COL25A1: variants seen among roughly 807,000 people sequenced by gnomAD.
The protein encoded by COL25A1 is collagen type XXV alpha 1 chain, also known as collagen alpha-1(XXV) chain.
COL25A1 carries 103 observed loss-of-function variants against 128.4 expected under a neutral mutation model. That is an observed-to-expected ratio of 0.80 (90% CI 0.68 to 0.94). COL25A1 has a LOEUF of 0.94. Among genes scored for constraint, COL25A1 ranks in the 40% least tolerant of loss-of-function variants. The pLI is 0.00. For missense variants in COL25A1, 745 were observed against 840.0 expected (o/e 0.89, Z 1.40); for synonymous variants, 279 against 277.2 (o/e 1.01, Z -0.06).
chr4:108,877,937 G>C (rs1275345608), intron 19 of COL25A1, among the ~76,000 whole-genome samples: 1 of 152,066 alleles, frequency 6.6e-6, no homozygotes, highest in African/African-American at 2.4e-5. Context: ...AATGGTTATT[G>C]GGACAGTTCA....
intron 6 of COL25A1, among the ~76,000 whole-genome samples, chr4:108,987,280 TCTC>T (rs1753741899): frequency 1.3e-5 from 1 of 75,194 alleles, no homozygotes; most frequent in Admixed American, 1.2e-4. Context: ...GTCTTCTCAC[TCTC>T]TCTATCTTTA....
chr4:108,939,907 T>G (rs1747881599), intron 10 of COL25A1, among the ~76,000 whole-genome samples: 1 of 152,202 alleles, frequency 6.6e-6, no homozygotes. Context: ...GTATTGAGAT[T>G]ACTTTTAAAT....
chr4:109,118,821 C>G (rs920589247), intron 3 of COL25A1, among the ~76,000 whole-genome samples: 1 of 151,912 alleles, frequency 6.6e-6, no homozygotes, highest in Non-Finnish European at 1.5e-5. Flanking sequence ...ACAGATCCAC[C>G]ACACAGAAAA....
At chr4:108,975,382 G>C (rs1752338705) in intron 6 of COL25A1, among the ~76,000 whole-genome samples, 1 of 152,226 alleles carries the variant, frequency 6.6e-6, no homozygotes, top group Non-Finnish European at 1.5e-5. Context: ...CTTGAACCTG[G>C]GAGGTGGAGG....
chr4:108,836,532 A>G (rs948343551), intron 31 of COL25A1, among the ~76,000 whole-genome samples: 1 of 152,094 alleles, frequency 6.6e-6, no homozygotes, highest in Non-Finnish European at 1.5e-5. Flanking sequence ...CCCAATCTCT[A>G]TAAAATATTT....
chr4:109,112,670 T>C lies in COL25A1; in HGVS notation c.368-62491A>G, dbSNP rs1410746143. 2.6e-5 allele frequency among the ~76,000 whole-genome samples: 4 copies of C among 152,094 alleles called. No individual in the cohort carries two copies. In the East Asian group the frequency reaches 5.8e-4, roughly 22 times the overall value. ...ATCCTCAAAAAAGAAAGAAAAATGA[T>C]AGTAGTCCCAAAGAAAGTAAATTTT... On this transcript the variant is annotated intron_variant, in intron 3 of 37. Coordinates refer to ENST00000399132, the MANE Select transcript of COL25A1 (RefSeq NM_198721.4).
intron 13 of COL25A1, among the ~76,000 whole-genome samples, chr4:108,916,543 C>T (rs1036983679): frequency 6.6e-6 from 1 of 151,942 alleles, no homozygotes. Context: ...GAAACAAAGA[C>T]GAAAAAGGAA....
chr4:108,862,693 G>A lies in COL25A1; in HGVS notation c.1153-148C>T, dbSNP rs771742281. ...TCAATATATGGCTCTACAGAATGTCGGTTATTATAATACTAAACATAAGTA... is the reference window on the plus strand; with the variant it reads ...TCAATATATGGCTCTACAGAATGTCAGTTATTATAATACTAAACATAAGTA... On this transcript the variant is annotated intron_variant, in intron 21 of 37. Coordinates refer to ENST00000399132, the MANE Select transcript of COL25A1 (RefSeq NM_198721.4). 5.6e-5 allele frequency: 37 copies of A among 665,106 alleles called. No homozygotes were observed. The Middle Eastern group carries it at 2.8e-3, about 50-fold the overall frequency. The allele number at this position is 665,106 out of a possible 1,614,324, so 41.2% of individuals were successfully genotyped here.
At chr4:109,098,025 T>C (rs1351496512) in intron 3 of COL25A1, among the ~76,000 whole-genome samples, 1 of 152,168 alleles carries the variant, frequency 6.6e-6, no homozygotes, top group Non-Finnish European at 1.5e-5. Context: ...TGACATTCTC[T>C]AGGGATAGAT....
intron 6 of COL25A1, among the ~76,000 whole-genome samples, chr4:109,006,409 T>TG (rs1756004346): frequency 1.7e-5 from 2 of 120,106 alleles, no homozygotes; most frequent in East Asian, 4.5e-4. Flanking sequence ...TTTTTTTTTT[T>TG]TGGTATTTTT....
rs921415996 is a variant in COL25A1 at position 108,827,190 on chromosome 4, T to C, written c.1711-2A>G. The C allele has an allele frequency of 6.2e-7, 1 of 1,613,704 alleles. No individual in the cohort carries two copies. Among genetic ancestry groups the C allele is most frequent in the Non-Finnish European group, 8.5e-7 (1 of 1,179,746 alleles). ...CTCTCCCATAGCTCCTTTTTCACCC[T>C]AAAATGAAAAGTAGAAAGTTCAAAT... On this transcript the variant is annotated splice_acceptor_variant, in intron 32 of 37. Transcript: ENST00000399132. LOFTEE classifies it high-confidence loss of function.
At chr4:109,289,503 T>A (rs901453969) in intron 3 of COL25A1, among the ~76,000 whole-genome samples, 2 of 152,150 alleles carry the variant, frequency 1.3e-5, no homozygotes, top group Non-Finnish European at 2.9e-5. Flanking sequence ...GGAGAAATAT[T>A]GATATTTGCC....
Position 109,234,874 on chromosome 4 carries a change from A to C in COL25A1, c.367+65709T>G, listed in dbSNP as rs191815245. ...AATACCAGTAGCCTCAAAACCATAG[A>C]AGCTTATATTTTTCAGAGGAAAAAA... On this transcript the variant is annotated intron_variant, in intron 3 of 37. Transcript: ENST00000399132. 5.0e-3 allele frequency among the ~76,000 whole-genome samples: 766 copies of C among 152,176 alleles called. 3 individuals carry two copies. Among genetic ancestry groups the C allele is most frequent in the Non-Finnish European group, 7.5e-3 (508 of 67,972 alleles).
intron 32 of COL25A1, among the ~76,000 whole-genome samples, chr4:108,828,482 G>A (rs1732652491): frequency 6.6e-6 from 1 of 152,070 alleles, no homozygotes; most frequent in Non-Finnish European, 1.5e-5. Context: ...TGCCAGATAA[G>A]GTAGGTATAT....
At chr4:109,204,061 T>C (rs1482344773) in intron 3 of COL25A1, among the ~76,000 whole-genome samples, 1 of 152,190 alleles carries the variant, frequency 6.6e-6, no homozygotes, top group Non-Finnish European at 1.5e-5. Flanking sequence ...AAAGTAGTTC[T>C]GCAAGCTTAT....
At chr4:109,126,232 A>AT (rs950371896) in intron 3 of COL25A1, among the ~76,000 whole-genome samples, 6 of 152,144 alleles carry the variant, frequency 3.9e-5, no homozygotes, top group African/African-American at 1.4e-4. Context: ...AAATGTTGAC[A>AT]TTTTTTTCTA....
intron 3 of COL25A1, among the ~76,000 whole-genome samples, chr4:109,194,180 C>T (rs907608054): frequency 2.0e-5 from 3 of 152,268 alleles, no homozygotes; most frequent in Admixed American, 6.5e-5. Context: ...CCCAGGACTC[C>T]TTATCCTACT....
At position 109,011,711 on chromosome 4, in the gene COL25A1, A is replaced by G. The variant is rs1035747960; in HGVS notation, c.421-1336T>C. On this transcript the variant is annotated intron_variant, in intron 5 of 37. Coordinates refer to ENST00000399132, the MANE Select transcript of COL25A1 (RefSeq NM_198721.4). ...CCAAATCTGATTTTAAGGTTTATGC[A>G]TTTTCTACCAGGTCACTCTGCCTTT... Among the ~76,000 whole-genome samples the G allele has an allele frequency of 3.3e-5, 5 of 152,192 alleles. No homozygotes were observed. In the East Asian group the frequency reaches 9.6e-4, roughly 29 times the overall value.
intron 8 of COL25A1, among the ~76,000 whole-genome samples, chr4:108,953,029 T>C (rs750432968): frequency 1.3e-5 from 2 of 152,046 alleles, no homozygotes; most frequent in Non-Finnish European, 2.9e-5. Context: ...TTCCTATTCA[T>C]GGAAGAAGTA....
Sources: allele counts gnomAD v4.1 joint callset (sites outside exome capture counted in the v4.1 genomes callset), GRCh38; gene constraint gnomAD v4.1.1; transcripts MANE v1.5; gene names NCBI Gene and HGNC (gene_info 2026-07-23, HGNC 2026-07-21).